Variants in RIMS1 observed in about 807,000 individuals in gnomAD.
RIMS1 encodes regulating synaptic membrane exocytosis protein 1.
A neutral mutation model predicts 214.1 loss-of-function variants in RIMS1; 83 were observed. The observed-to-expected ratio is 0.39, with a 90% CI of 0.32 to 0.47. RIMS1 has a LOEUF of 0.47. RIMS1 is among the 20% of genes least tolerant of loss of function. The pLI is 0.99. For synonymous variants in RIMS1, 793 were observed against 786.8 expected (o/e 1.01, Z -0.13); for missense variants, 2,050 against 2,161.8 (o/e 0.95, Z 1.03).
chr6:72,384,790 T>G (rs539349406), intron 29 of RIMS1, among the ~76,000 whole-genome samples: 1 of 152,228 alleles, frequency 6.6e-6, no homozygotes, highest in Non-Finnish European at 1.5e-5. Context: ...AATACATGTT[T>G]ACTGTATTCC....
chr6:72,027,932 G>A (rs1033033735), intron 2 of RIMS1, among the ~76,000 whole-genome samples: 13 of 152,008 alleles, frequency 8.6e-5, no homozygotes, highest in Non-Finnish European at 1.9e-4. Flanking sequence ...TAAGTATATT[G>A]GAGACATCCG....
chr6:72,191,536 A>G (rs1167346023), intron 6 of RIMS1, among the ~76,000 whole-genome samples: 2 of 152,354 alleles, frequency 1.3e-5, no homozygotes, highest in East Asian at 3.9e-4. Context: ...AAAAGCAATC[A>G]AGCTCTCTCA....
At chr6:72,368,427 G>A (rs191456406) in intron 29 of RIMS1, among the ~76,000 whole-genome samples, 3,097 of 147,496 alleles carry the variant, frequency 0.021, 50 homozygotes, top group Middle Eastern at 0.042. Flanking sequence ...TCAGCCTCCC[G>A]AGTAGCTGGG....
Position 72,271,750 on chromosome 6 carries a change from G to T in RIMS1, c.3399-2599G>T, listed in dbSNP as rs116303867. 2.6e-3 allele frequency among the ~76,000 whole-genome samples: 388 copies of T among 152,024 alleles called. 4 individuals are homozygous for T. The highest frequency in any genetic ancestry group is 9.0e-3 in the African/African-American group (373 of 41,464). ...TAGCACTGTCTATTTCTTGGTTAAG[G>T]TTCTCATTATTCTTTATCCCCAAAG... On this transcript the variant is annotated intron_variant, in intron 22 of 33. Coordinates refer to ENST00000521978, the MANE Select transcript of RIMS1 (RefSeq NM_014989.7).
At chr6:72,222,461 A>G (rs910987399) in intron 6 of RIMS1, among the ~76,000 whole-genome samples, 2 of 152,116 alleles carry the variant, frequency 1.3e-5, no homozygotes, top group African/African-American at 4.8e-5. Context: ...GTTATTATTT[A>G]CAGTGCATTT....
chr6:72,376,028 T>C (rs2098366861), intron 29 of RIMS1, among the ~76,000 whole-genome samples: 1 of 152,182 alleles, frequency 6.6e-6, no homozygotes, highest in Admixed American at 6.5e-5. Flanking sequence ...TCATGAAAAT[T>C]CTGAAGTTAG....
intron 1 of RIMS1, among the ~76,000 whole-genome samples, chr6:71,957,279 G>A (rs1791568590): frequency 6.6e-6 from 1 of 152,142 alleles, no homozygotes; most frequent in Admixed American, 6.6e-5. Context: ...ATGCAGAGAT[G>A]GTCTTTTAGA....
chr6:72,204,936 TAA>T (rs2153998894), intron 6 of RIMS1, among the ~76,000 whole-genome samples: 1 of 152,252 alleles, frequency 6.6e-6, no homozygotes, highest in Non-Finnish European at 1.5e-5. Flanking sequence ...GCATATCTGT[TAA>T]GTTTATTGAT....
At chr6:72,087,479 A>G (rs1161820082) in intron 2 of RIMS1, among the ~76,000 whole-genome samples, 1 of 152,248 alleles carries the variant, frequency 6.6e-6, no homozygotes, top group African/African-American at 2.4e-5. Flanking sequence ...GAACATTGTC[A>G]TGGTGGAGAA....
At chr6:71,923,541 G>C (rs925988659) in intron 1 of RIMS1, among the ~76,000 whole-genome samples, 4 of 151,862 alleles carry the variant, frequency 2.6e-5, no homozygotes, top group Non-Finnish European at 4.4e-5. Flanking sequence ...TCAGCATGCT[G>C]CCTAATACTA....
At chr6:72,269,128 C>T (rs940265379) in intron 22 of RIMS1, among the ~76,000 whole-genome samples, 1 of 152,140 alleles carries the variant, frequency 6.6e-6, no homozygotes, top group Admixed American at 6.5e-5. Flanking sequence ...TTTAAACTTA[C>T]CGCCTGCATT....
intron 2 of RIMS1, among the ~76,000 whole-genome samples, chr6:72,010,815 A>T (rs1326790181): frequency 6.6e-6 from 1 of 152,234 alleles, no homozygotes; most frequent in African/African-American, 2.4e-5. Flanking sequence ...ACCACTGCTC[A>T]ATGAAATAAA....
At chr6:72,010,914 T>C (rs1461066776) in intron 2 of RIMS1, among the ~76,000 whole-genome samples, 1 of 152,158 alleles carries the variant, frequency 6.6e-6, no homozygotes, top group East Asian at 1.9e-4. Context: ...CAAGGTAATT[T>C]ATAGATTCAA....
chr6:72,143,954 G>C (rs1445901113), intron 4 of RIMS1, among the ~76,000 whole-genome samples: 4 of 152,172 alleles, frequency 2.6e-5, no homozygotes, highest in African/African-American at 9.7e-5. Flanking sequence ...ACAGGGAAAA[G>C]TAAAGAAAGG....
chr6:71,950,801 A>AT (rs937599115), intron 1 of RIMS1, among the ~76,000 whole-genome samples: 7 of 152,022 alleles, frequency 4.6e-5, no homozygotes, highest in African/African-American at 1.7e-4. Context: ...GGTCTGATGC[A>AT]TTTTTTTCCA....
Position 72,265,390 on chromosome 6 carries a change from C to A in RIMS1, c.3195C>A (p.Ser1065Arg), listed in dbSNP as rs764617350. Residue 1065 changes from serine (S) to arginine (R), a missense_variant and splice_region_variant, in exon 21 of 34, where the codon AGC becomes AGA. By Grantham distance (110) the Ser-to-Arg change is moderately radical (BLOSUM62 -1). Around this residue, in one of 6 missense-constraint regions of RIMS1, gnomAD observed 889 missense variants for 885.5 expected, o/e 1.00. Transcript: ENST00000521978. ...TTTTGTGTAATTTTAATTTGTGGAG[C>A]TCAATTCTGCCTGCACATACTAAGA... ...LQSSSHWNIY[S>R]SILPAHTKTK... 1 of 1,521,294 alleles carries A rather than the reference C, an allele frequency of 6.6e-7. No individual in the cohort carries two copies. Among genetic ancestry groups the A allele is most frequent in the Non-Finnish European group, 9.0e-7 (1 of 1,107,824 alleles). 94.2% of individuals were successfully genotyped at this position (1,521,294 alleles called of 1,614,324 possible). A position where few individuals can be genotyped will look rare whatever the true frequency, so the allele number is the denominator to read the frequency against.
intron 29 of RIMS1, among the ~76,000 whole-genome samples, chr6:72,343,974 C>G (rs1039943484): frequency 2.6e-4 from 39 of 151,782 alleles, no homozygotes; most frequent in Admixed American, 6.6e-5. Context: ...ATAACTGTAA[C>G]TCACATCTAA....
At chr6:72,302,428 T>TCAGTATAGACTATAC (rs1352889310) in intron 26 of RIMS1, among the ~76,000 whole-genome samples, 2 of 151,718 alleles carry the variant, frequency 1.3e-5, no homozygotes, top group Admixed American at 6.6e-5. Flanking sequence ...ATCTTCCTAT[T>TCAGTATAGACTATAC]CAGTCTTGGT....
At chr6:72,330,679 A>G (rs1329975425) in intron 28 of RIMS1, among the ~76,000 whole-genome samples, 1 of 151,810 alleles carries the variant, frequency 6.6e-6, no homozygotes, top group African/African-American at 2.4e-5. Context: ...AGATTCAGAT[A>G]TGTATAAGCG....
Sources: allele counts gnomAD v4.1 joint callset (sites outside exome capture counted in the v4.1 genomes callset), GRCh38; gene constraint gnomAD v4.1.1; regional missense constraint gnomAD v4.1.1; transcripts MANE v1.5; gene names NCBI Gene and HGNC (gene_info 2026-07-23, HGNC 2026-07-21).